The following EFCAB6 variants were observed in gnomAD, a reference collection of about 807,000 sequenced individuals.
The protein encoded by EFCAB6 is EF-hand calcium binding domain 6.
In EFCAB6, 156 loss-of-function variants were observed where a neutral mutation model predicts 169.8. That is an observed-to-expected ratio of 0.92 (90% CI 0.81 to 1.05). The LOEUF (loss-of-function observed/expected upper bound fraction) is 1.05, where lower values mean the gene tolerates loss of function less well. Among genes scored for constraint, EFCAB6 ranks in the 50% least tolerant of loss-of-function variants. EFCAB6 has a pLI of 0.00. For missense variants in EFCAB6, 1,800 were observed against 1,829.1 expected, an observed-to-expected ratio of 0.98 and a Z score of 0.29; for synonymous variants, 698 against 676.4, an observed-to-expected ratio of 1.03 and a Z score of -0.50.
At chr22:43,531,943 C>T (rs559801943) in intron 30 of EFCAB6, 1 of 152,328 alleles carries the variant, frequency 6.6e-6, no homozygotes, top group East Asian at 1.9e-4. Flanking sequence ...AGAAAGCTCC[C>T]AAATCACCAG....
chr22:43,751,418 C>G (rs548075797), intron 6 of EFCAB6, among the ~76,000 whole-genome samples: 1 of 152,326 alleles, frequency 6.6e-6, no homozygotes, highest in African/African-American at 2.4e-5. Context: ...AAAACTTACA[C>G]TTCGTTAGCC....
intron 2 of EFCAB6, among the ~76,000 whole-genome samples, chr22:43,784,609 A>G (rs867144066): frequency 1.5e-4 from 15 of 97,136 alleles, no homozygotes; most frequent in Admixed American, 6.5e-4. Context: ...ACACATATAT[A>G]TGTGTATATA....
intron 6 of EFCAB6, among the ~76,000 whole-genome samples, chr22:43,750,892 A>G (rs948078529): frequency 1.1e-4 from 16 of 152,210 alleles, no homozygotes; most frequent in Non-Finnish European, 1.9e-4. Flanking sequence ...ATAATTATTT[A>G]CTAATTACTT....
At chr22:43,533,313 T>A (rs2047193588) in intron 30 of EFCAB6, 1 of 152,238 alleles carries the variant, frequency 6.6e-6, no homozygotes. Context: ...ACCCTTTTAG[T>A]TCCAATGTTG....
chr22:43,809,952 G>A lies in EFCAB6; in HGVS notation c.-144-821C>T, dbSNP rs12628172. Among the ~76,000 whole-genome samples, 196 of 152,270 alleles carry A rather than the reference G, an allele frequency of 1.3e-3. 2 individuals carry two copies. The East Asian group carries it at 0.033, about 26-fold the overall frequency. On this transcript the variant is annotated intron_variant, in intron 1 of 31. Coordinates refer to ENST00000262726, the MANE Select transcript of EFCAB6 (RefSeq NM_022785.4). ...GTCTCATTCTGTCGCCCAGGCTGGAGTACAGTGGCATTATCATGGCTCACT... is the reference window on the plus strand; with the variant it reads ...GTCTCATTCTGTCGCCCAGGCTGGAATACAGTGGCATTATCATGGCTCACT...
rs754101161 is a variant in EFCAB6, at chr22:43,669,043, A to G, written c.1643T>C (p.Leu548Pro). The G allele has an allele frequency of 6.3e-7, 1 of 1,596,110 alleles. No individual in the cohort carries two copies. The highest frequency in any genetic ancestry group is 1.2e-5 in the South Asian group (1 of 86,640). The change falls in exon 16 of 32, where the codon CTC becomes CCC. Residue 548 changes from leucine to proline, a missense_variant and splice_region_variant. Physicochemically the swap from Leu to Pro is moderately conservative, Grantham distance 98. Coordinates refer to ENST00000262726, the MANE Select transcript of EFCAB6 (RefSeq NM_022785.4). ...ACCAATGTCCTGAATCTTACTGCAG[A>G]GTCTGAATTTTAAAAAATAATTAAA... ...PFLTNAHFIKLCSKIQDIGSG... is the reference protein window; with the variant it reads ...PFLTNAHFIKPCSKIQDIGSG...
chr22:43,685,536 A>G (rs1389131515), intron 11 of EFCAB6, among the ~76,000 whole-genome samples: 2 of 152,174 alleles, frequency 1.3e-5, no homozygotes, highest in Non-Finnish European at 2.9e-5. Context: ...GTGTACAAAC[A>G]CTGAAACTCG....
intron 23 of EFCAB6, among the ~76,000 whole-genome samples, chr22:43,595,374 TA>T (rs1212787234): frequency 2.6e-5 from 4 of 152,030 alleles, no homozygotes; most frequent in African/African-American, 9.7e-5. Context: ...AACTTTTAGC[TA>T]GACTATGAAA....
At chr22:43,540,553 CAA>C (rs1569127279) in intron 27 of EFCAB6, 196 bp from the exon 28 acceptor site, 1 of 1,519,422 alleles carries the variant, frequency 6.6e-7, no homozygotes, top group East Asian at 2.5e-5. Context: ...TCTGGAAAAG[CAA>C]AGACAAGAGG....
At chr22:43,807,367 G>A (rs1208052511) in intron 2 of EFCAB6, among the ~76,000 whole-genome samples, 1 of 152,112 alleles carries the variant, frequency 6.6e-6, no homozygotes, top group African/African-American at 2.4e-5. Flanking sequence ...AACTTGGTGA[G>A]GTAGAAATTG....
intron 31 of EFCAB6, among the ~76,000 whole-genome samples, chr22:43,530,114 C>T (rs1752845006): frequency 6.6e-6 from 1 of 152,210 alleles, no homozygotes; most frequent in African/African-American, 2.4e-5. Flanking sequence ...TGATCTGTGA[C>T]TCTGTGGAGG....
intron 2 of EFCAB6, among the ~76,000 whole-genome samples, chr22:43,804,638 G>T (rs984522310): frequency 6.6e-6 from 1 of 151,728 alleles, no homozygotes; most frequent in Non-Finnish European, 1.5e-5. Flanking sequence ...GTGGTGGCAC[G>T]CACCTGCAGT....
At chr22:43,725,908 GA>G (rs1316173673) in intron 8 of EFCAB6, among the ~76,000 whole-genome samples, 1 of 152,128 alleles carries the variant, frequency 6.6e-6, no homozygotes, top group African/African-American at 2.4e-5. Context: ...TATTCAATAG[GA>G]AAAATGATGG....
At chr22:43,809,731 T>C (rs982182067) in intron 1 of EFCAB6, among the ~76,000 whole-genome samples, 1 of 151,810 alleles carries the variant, frequency 6.6e-6, no homozygotes, top group African/African-American at 2.4e-5. Flanking sequence ...CCTCAGCTTC[T>C]GGAGTAGCTG....
chr22:43,805,338 T>C (rs1333467630), intron 2 of EFCAB6, among the ~76,000 whole-genome samples: 2 of 152,198 alleles, frequency 1.3e-5, no homozygotes, highest in African/African-American at 4.8e-5. Context: ...ATATACCCAA[T>C]AGAATATTAT....
intron 2 of EFCAB6, among the ~76,000 whole-genome samples, chr22:43,792,825 T>C (rs2062354256): frequency 6.6e-6 from 1 of 152,162 alleles, no homozygotes; most frequent in Non-Finnish European, 1.5e-5. Context: ...AGCTTTCCTG[T>C]CTCTTTTTAC....
In EFCAB6 at chr22:43,528,794, T is replaced by G; in HGVS notation, c.*59A>C. 6.7e-7 allele frequency: 1 copy of G among 1,496,240 alleles called. No individual in the cohort carries two copies. Among genetic ancestry groups the G allele is most frequent in the South Asian group, 1.3e-5 (1 of 74,378 alleles). The allele number at this position is 1,496,240 out of a possible 1,614,324, so 92.7% of individuals were successfully genotyped here. A position where few individuals can be genotyped will look rare whatever the true frequency, so the allele number is the denominator to read the frequency against. ...CATGAAACCCCCAAATTATAGGATT[T>G]TATTAGCCTTGAAACAGGCCCTGTG... On this transcript the variant is annotated 3_prime_UTR_variant, in exon 32 of 32. Coordinates refer to ENST00000262726, the MANE Select transcript of EFCAB6 (RefSeq NM_022785.4).
rs2059152479 is a variant in EFCAB6, at chr22:43,711,350, G to A, written c.1031+125C>T. The A allele has an allele frequency of 1.5e-5, 15 of 1,010,092 alleles. No homozygotes were observed. The South Asian group carries it at 3.2e-4, about 22-fold the overall frequency. The allele number at this position is 1,010,092 out of a possible 1,614,324, so 62.6% of individuals were successfully genotyped here. A position where few individuals can be genotyped will look rare whatever the true frequency, so the allele number is the denominator to read the frequency against. On this transcript the variant is annotated intron_variant, in intron 10 of 31. Transcript: ENST00000262726. ...TTACTATATTATTCCCTTTACTTCT[G>A]TATACGTTTTAAATTTTCAGTAATA...
chr22:43,785,714 T>C (rs999506369), intron 2 of EFCAB6, among the ~76,000 whole-genome samples: 1 of 152,058 alleles, frequency 6.6e-6, no homozygotes, highest in African/African-American at 2.4e-5. Context: ...TAATCAAAGT[T>C]ACTTCAAAAG....
Sources: allele counts gnomAD v4.1 joint callset (sites outside exome capture counted in the v4.1 genomes callset), GRCh38; gene constraint gnomAD v4.1.1; transcripts MANE v1.5; gene names NCBI Gene and HGNC (gene_info 2026-07-23, HGNC 2026-07-21).